GALK2: variants seen among roughly 807,000 people sequenced by gnomAD.
GALK2 encodes galactokinase 2.
In GALK2, 36 loss-of-function variants were observed where a neutral mutation model predicts 52.4. The observed-to-expected ratio is 0.69, with a 90% CI of 0.53 to 0.91. The LOEUF (loss-of-function observed/expected upper bound fraction) is 0.91. Ranked by LOEUF, GALK2 falls within the 40% of genes least tolerant of loss-of-function variation. The probability of loss-of-function intolerance (pLI) is 0.00; values close to 1 mark genes in which losing one functional copy is unlikely to be tolerated. For synonymous variants in GALK2, 176 were observed against 199.1 expected, an observed-to-expected ratio of 0.88 and a Z score of 0.98; for missense variants, 579 against 559.1, an observed-to-expected ratio of 1.04 and a Z score of -0.36.
chr15:49,318,913 G>A, intron 8 of GALK2: 1 of 451,730 alleles, frequency 2.2e-6, no homozygotes, highest in South Asian at 1.6e-5. Flanking sequence ...ATCCCTCAGT[G>A]CTGTGATGAG....
At chr15:49,156,657 G>A (rs1369353105) in intron 1 of GALK2, 2 of 517,304 alleles carry the variant, frequency 3.9e-6, no homozygotes, top group African/African-American at 1.9e-5. Context: ...ATTCCCAAAG[G>A]CAAAATTTCC....
chr15:49,185,434 T>C (rs1182693439), intron 1 of GALK2, among the ~76,000 whole-genome samples: 1 of 152,242 alleles, frequency 6.6e-6, no homozygotes, highest in East Asian at 1.9e-4. Context: ...AGCACAGCAA[T>C]GAACATATGA....
intron 1 of GALK2, among the ~76,000 whole-genome samples, chr15:49,176,942 A>G (rs964074537): frequency 1.3e-5 from 2 of 152,174 alleles, no homozygotes; most frequent in Admixed American, 1.3e-4. Flanking sequence ...ACTTGTTGTA[A>G]CACTTTTTGG....
chr15:49,160,791 C>T (rs373368417), intron 1 of GALK2, among the ~76,000 whole-genome samples: 4 of 151,676 alleles, frequency 2.6e-5, no homozygotes, highest in East Asian at 3.9e-4. Flanking sequence ...TCGCTTGAAC[C>T]GGGGAGGTGG....
intron 3 of GALK2, among the ~76,000 whole-genome samples, chr15:49,337,184 TTTA>T (rs1419826614): frequency 2.0e-5 from 3 of 152,202 alleles, no homozygotes; most frequent in African/African-American, 7.2e-5. Context: ...GGTGGAATAA[TTTA>T]TTTTTCTTTT....
chr15:49,318,683 G>A (rs1301438192), intron 8 of GALK2, among the ~76,000 whole-genome samples: 1 of 151,926 alleles, frequency 6.6e-6, no homozygotes, highest in Non-Finnish European at 1.5e-5. Flanking sequence ...ATAAATAATT[G>A]TGTTTATCTG....
chr15:49,215,744 T>C (rs2089315291), intron 2 of GALK2, among the ~76,000 whole-genome samples: 1 of 152,246 alleles, frequency 6.6e-6, no homozygotes, highest in Non-Finnish European at 1.5e-5. Flanking sequence ...TGGTGTCTTC[T>C]GTAGTTCATT....
At chr15:49,207,180 G>A (rs1371344810) in intron 2 of GALK2, among the ~76,000 whole-genome samples, 3 of 152,136 alleles carry the variant, frequency 2.0e-5, no homozygotes, top group Non-Finnish European at 4.4e-5. Context: ...CATCCCTGGT[G>A]TGAAACCCAC....
chr15:49,365,246 GC>G (rs1214686705), intron 3 of GALK2: 2 of 1,122,924 alleles, frequency 1.8e-6, no homozygotes, highest in Non-Finnish European at 2.7e-6. Context: ...ACATTTCCAG[GC>G]AACAACTGAG....
chr15:49,210,086 T>C (rs1566939670), intron 2 of GALK2, among the ~76,000 whole-genome samples: 1 of 152,226 alleles, frequency 6.6e-6, no homozygotes, highest in Non-Finnish European at 1.5e-5. Context: ...CAGGAACTTA[T>C]GCATGTCCTT....
intron 3 of GALK2, among the ~76,000 whole-genome samples, chr15:49,362,401 C>G (rs982394092): frequency 6.6e-6 from 1 of 152,190 alleles, no homozygotes; most frequent in African/African-American, 2.4e-5. Context: ...GTCATGCTTC[C>G]TGTTAAACCT....
upstream of GALK2, chr15:49,170,220 A>G (rs1427321069): frequency 1.3e-6 from 2 of 1,527,700 alleles, no homozygotes; most frequent in African/African-American, 1.4e-5. Context: ...GGAGCTGTTT[A>G]TCTCCCGGAA....
At chr15:49,251,007 C>T (rs2091571992) in intron 5 of GALK2, among the ~76,000 whole-genome samples, 1 of 152,102 alleles carries the variant, frequency 6.6e-6, no homozygotes, top group Non-Finnish European at 1.5e-5. Flanking sequence ...GTAGCATATA[C>T]AAATTCTTCC....
chr15:49,246,351 A>G (rs1474720517), intron 5 of GALK2, among the ~76,000 whole-genome samples: 1 of 152,152 alleles, frequency 6.6e-6, no homozygotes, highest in African/African-American at 2.4e-5. Context: ...ACTAGCATCT[A>G]TCCACAAATT....
chr15:49,297,134 G>A (rs1389323247), intron 8 of GALK2, among the ~76,000 whole-genome samples: 2 of 152,188 alleles, frequency 1.3e-5, no homozygotes, highest in Middle Eastern at 3.2e-3. Flanking sequence ...TCTGACTGGT[G>A]TGAGATGATA....
intron 3 of GALK2, among the ~76,000 whole-genome samples, chr15:49,223,512 T>C (rs1595730213): frequency 6.6e-6 from 1 of 152,172 alleles, no homozygotes; most frequent in Non-Finnish European, 1.5e-5. Flanking sequence ...AGGCAGTTTT[T>C]CAGCCCACAC....
At chr15:49,200,070 T>C (rs1459118273) in intron 1 of GALK2, among the ~76,000 whole-genome samples, 1 of 152,186 alleles carries the variant, frequency 6.6e-6, no homozygotes, top group Non-Finnish European at 1.5e-5. Flanking sequence ...ATGTTTATCA[T>C]CCTGGTGTTA....
intron 3 of GALK2, among the ~76,000 whole-genome samples, chr15:49,364,934 C>T (rs182929560): frequency 6.6e-6 from 1 of 151,948 alleles, no homozygotes; most frequent in Admixed American, 6.6e-5. Flanking sequence ...AATGTGAAGG[C>T]ACAACTTTAA....
At chr15:49,308,067 T>C (rs2035689765) in intron 8 of GALK2, among the ~76,000 whole-genome samples, 1 of 152,240 alleles carries the variant, frequency 6.6e-6, no homozygotes, top group African/African-American at 2.4e-5. Context: ...AAAATAAATT[T>C]GAAACCACAT....
Sources: gnomAD v4.1 joint callset for allele counts (sites outside exome capture counted in the v4.1 genomes callset) on GRCh38, gnomAD v4.1.1 for gene constraint, MANE v1.5 for transcripts, NCBI Gene and HGNC (gene_info 2026-07-23, HGNC 2026-07-21) for gene names.